KIF27: variants seen among roughly 807,000 people sequenced by gnomAD.
The protein encoded by KIF27 is kinesin-like protein KIF27.
Under a neutral mutation model 141.8 loss-of-function variants are expected in KIF27, and 84 were observed. The observed-to-expected ratio is 0.59, with a 90% confidence interval of 0.50 to 0.71. The LOEUF is 0.71. Among genes scored for constraint, KIF27 ranks in the 30% least tolerant of loss-of-function variants. KIF27 has a pLI of 0.00. For missense variants in KIF27, 1,306 were observed against 1,628.4 expected (o/e 0.80, Z 3.41); for synonymous variants, 471 against 569.5 (o/e 0.83, Z 2.46).
At chr9:83,869,016 A>G (rs558128269) in intron 12 of KIF27, among the ~76,000 whole-genome samples, 22 of 152,210 alleles carry the variant, frequency 1.4e-4, no homozygotes, top group Admixed American at 9.2e-4. Flanking sequence ...ACTTAAATAT[A>G]TTCTACAAAC....
chr9:83,842,025 C>A (rs1370731463), intron 17 of KIF27, among the ~76,000 whole-genome samples: 5 of 152,052 alleles, frequency 3.3e-5, no homozygotes, highest in East Asian at 1.9e-4. Flanking sequence ...GGCAGACAAT[C>A]AATAATTGAT....
chr9:83,859,654 C>T (rs1444631112), intron 13 of KIF27: 1 of 324,830 alleles, frequency 3.1e-6, no homozygotes, highest in African/African-American at 2.2e-5. Flanking sequence ...GCTTCAGCCT[C>T]CCTGGTTGCT....
intron 16 of KIF27, among the ~76,000 whole-genome samples, chr9:83,846,796 C>A (rs34287690): frequency 1.3e-5 from 2 of 152,120 alleles, no homozygotes; most frequent in African/African-American, 4.8e-5. Flanking sequence ...AACACTGCCA[C>A]CAGGAGACAC....
rs370735815 is a variant in KIF27, at chr9:83,853,811, C to G, written c.3175G>C (p.Glu1059Gln). 32 of 1,611,726 alleles carry G rather than the reference C, an allele frequency of 2.0e-5. No homozygotes were observed. The East Asian group carries it at 6.9e-4, about 35-fold the overall frequency. The part of the protein sequence containing the change: ...PEEEHVLFQL[E>Q]EGIEALEAAI... The stretch of plus-strand genomic sequence containing the variant: ...GCTTCCAAAGCTTCAATCCCTTCTT[C>G]AAGTTGGAAAAGAACATGTTCTTCC... Residue 1059 changes from glutamate to glutamine, a missense_variant, in exon 15 of 18, where the codon GAA becomes CAA. By Grantham distance (29) the Glu-to-Gln change is conservative (BLOSUM62 2). Coordinates refer to ENST00000297814, the MANE Select transcript of KIF27 (RefSeq NM_017576.4).
intron 14 of KIF27, among the ~76,000 whole-genome samples, chr9:83,856,381 TG>T (rs1949200600): frequency 6.6e-6 from 1 of 150,902 alleles, no homozygotes; most frequent in Non-Finnish European, 1.5e-5. Flanking sequence ...CTGAGGCGGG[TG>T]GATCACTTGA....
At chr9:83,857,209 A>G (rs1473461176) in intron 14 of KIF27, among the ~76,000 whole-genome samples, 2 of 152,188 alleles carry the variant, frequency 1.3e-5, no homozygotes, top group African/African-American at 4.8e-5. Flanking sequence ...ATTTTAATTT[A>G]CTGTGGAAAG....
At chr9:83,846,437 T>C (rs1947288926) in intron 16 of KIF27, among the ~76,000 whole-genome samples, 2 of 152,198 alleles carry the variant, frequency 1.3e-5, no homozygotes, top group South Asian at 4.1e-4. Context: ...CTCATGCTCA[T>C]GGGATTCACT....
chr9:83,908,224 T>TA (rs1351129233), intron 3 of KIF27, among the ~76,000 whole-genome samples: 2 of 131,084 alleles, frequency 1.5e-5, no homozygotes, highest in African/African-American at 5.9e-5. Flanking sequence ...ATCGCACCAC[T>TA]ACACTCTAGC....
Position 83,850,285 on chromosome 9 carries a change from G to C in KIF27, c.3370C>G (p.Arg1124Gly), listed in dbSNP as rs1303828659. The change falls in exon 16 of 18, where the codon CGA (arginine) becomes GGA (glycine). Residue 1124 changes from arginine (R) to glycine (G), a missense_variant. Transcript: ENST00000297814. ...AACTGTTGTTTCCGTTCAGCTTCTC[G>C]CAAATTCACCACCTAACAAATACAT... is the stretch of plus-strand genomic sequence containing the variant. Reference protein sequence around the residue: ...FRYFNKVVNLREAERKQQLYN... With the variant: ...FRYFNKVVNLGEAERKQQLYN... 1 of 1,612,006 alleles carries C rather than the reference G, an allele frequency of 6.2e-7. No individual in the cohort carries two copies. The highest frequency in any genetic ancestry group is 1.7e-5 in the Admixed American group (1 of 59,986).
chr9:83,841,457 C>A (rs1457676308), intron 17 of KIF27, among the ~76,000 whole-genome samples: 1 of 152,098 alleles, frequency 6.6e-6, no homozygotes, highest in Non-Finnish European at 1.5e-5. Flanking sequence ...TCTTGTGTGC[C>A]CATCTTTAAG....
chr9:83,916,182 G>A (rs927435488), intron 1 of KIF27, among the ~76,000 whole-genome samples: 3 of 151,790 alleles, frequency 2.0e-5, no homozygotes, highest in East Asian at 3.9e-4. Flanking sequence ...ACAGGCGCCC[G>A]CCACCACACC....
rs531425162 is a variant in KIF27, at chr9:83,859,400, A to G, written c.2935-29T>C. 3,295 of 1,494,128 alleles carry G rather than the reference A, an allele frequency of 2.2e-3. 40 individuals are homozygous for G. In the African/African-American group the frequency reaches 0.03, roughly 14 times the overall value. 92.6% of individuals were successfully genotyped at this position (1,494,128 alleles called of 1,614,324 possible). A position where few individuals can be genotyped will look rare whatever the true frequency, so the allele number is the denominator to read the frequency against. On this transcript the variant is annotated intron_variant, in intron 13 of 17. Coordinates refer to ENST00000297814, the MANE Select transcript of KIF27 (RefSeq NM_017576.4). ...AAAGATACAACCCACCAGCCACCTC[A>G]AAAACAGTTACTAGAAATCTAGACT...
At chr9:83,911,708 G>T (rs527368182) in intron 2 of KIF27, among the ~76,000 whole-genome samples, 101 of 151,028 alleles carry the variant, frequency 6.7e-4, no homozygotes, top group African/African-American at 2.3e-3. Flanking sequence ...CGTCTGACTG[G>T]TTTTTTTGTA....
In KIF27 at chr9:83,835,613, G is replaced by C. The variant is rs1945741447; in HGVS notation, c.*1388C>G. ...CCCTAGGGGCTAGCAATGAGAGAAA[G>C]GAAGCCTTAAGTCTTTGAGCACAGG... On this transcript the variant is annotated 3_prime_UTR_variant, in exon 18 of 18. Transcript: ENST00000297814. 1 of 151,980 alleles carries C rather than the reference G, an allele frequency of 6.6e-6. No homozygotes were observed. The highest frequency in any genetic ancestry group is 1.5e-5 in the Non-Finnish European group (1 of 67,984). 9.4% of individuals were successfully genotyped at this position (151,980 alleles called of 1,614,324 possible).
At chr9:83,863,635 CTCT>C (rs1180196355) in intron 13 of KIF27, 4 of 152,056 alleles carry the variant, frequency 2.6e-5, no homozygotes, top group Admixed American at 2.0e-4. Flanking sequence ...GTCTAAAATT[CTCT>C]TTTTTTGTTG....
intron 5 of KIF27, among the ~76,000 whole-genome samples, chr9:83,898,266 T>A (rs1368450377): frequency 2.0e-5 from 3 of 152,142 alleles, no homozygotes; most frequent in Non-Finnish European, 4.4e-5. Flanking sequence ...CAGTCACACA[T>A]TACAGATAAA....
rs780963076 is a variant in KIF27 at position 83,903,977 on chromosome 9, C to T, written c.541G>A (p.Glu181Lys). 1.2e-6 allele frequency: 2 copies of T among 1,613,546 alleles called. No individual in the cohort carries two copies. Among genetic ancestry groups the T allele is most frequent in the East Asian group, 2.2e-5 (1 of 44,884 alleles). ...AKECHVESAGEVMSLLEMGNA... is the reference protein window; with the variant it reads ...AKECHVESAGKVMSLLEMGNA... ...CCCATCTCCAAAAGACTCATCACTT[C>T]ACCTGCACTCTCCACATGGCATTCC... is the stretch of plus-strand genomic sequence containing the variant. Residue 181 changes from glutamate (E) to lysine (K), a missense_variant, in exon 4 of 18, where the codon GAA (glutamate) becomes AAA (lysine). By Grantham distance (56) the Glu-to-Lys change is moderately conservative (BLOSUM62 1). This residue lies in a region of KIF27 where 533 missense variants were observed against 565.6 expected (regional missense o/e 0.94). Transcript: ENST00000297814.
chr9:83,867,911 A>C, intron 12 of KIF27, 51 bp from the exon 13 acceptor site: 1 of 1,493,524 alleles, frequency 6.7e-7, no homozygotes, highest in Non-Finnish European at 9.0e-7. Context: ...TGCCATAAAA[A>C]TTATATGGTA....
intron 2 of KIF27, among the ~76,000 whole-genome samples, chr9:83,911,218 C>A (rs1192267079): frequency 6.6e-6 from 1 of 152,152 alleles, no homozygotes; most frequent in African/African-American, 2.4e-5. Context: ...AGGCATGTGC[C>A]ACCACATCAA....
Sources: allele counts gnomAD v4.1 joint callset (sites outside exome capture counted in the v4.1 genomes callset), GRCh38; gene constraint gnomAD v4.1.1; regional missense constraint gnomAD v4.1.1; transcripts MANE v1.5; gene names NCBI Gene and HGNC (gene_info 2026-07-23, HGNC 2026-07-21).